Variants in CCDC192 observed in about 807,000 individuals in gnomAD.
CCDC192 encodes coiled-coil domain containing 192.
At chr5:127,932,715 A>T (rs1754073226) in intron 6 of CCDC192, among the ~76,000 whole-genome samples, 1 of 152,190 alleles carries the variant, frequency 6.6e-6, no homozygotes, top group Non-Finnish European at 1.5e-5. Flanking sequence ...CAATCCATGC[A>T]CTATTTTGGG....
intron 2 of CCDC192, among the ~76,000 whole-genome samples, chr5:127,732,689 C>CA (rs1752710681): frequency 6.6e-6 from 1 of 151,690 alleles, no homozygotes; most frequent in African/African-American, 2.4e-5. Flanking sequence ...TCTTGTCCTT[C>CA]AGGAACATGG....
chr5:127,878,116 T>G (rs1218819770), intron 6 of CCDC192, among the ~76,000 whole-genome samples: 2 of 152,206 alleles, frequency 1.3e-5, no homozygotes, highest in African/African-American at 4.8e-5. Context: ...GAGACTTGAT[T>G]CTCTCAGGCT....
At chr5:127,784,429 A>T (rs1372090781) in intron 3 of CCDC192, among the ~76,000 whole-genome samples, 1 of 152,232 alleles carries the variant, frequency 6.6e-6, no homozygotes, top group Non-Finnish European at 1.5e-5. Flanking sequence ...ATTTACAGAC[A>T]TGAAATGTAT....
chr5:127,797,764 TATA>T (rs1561494190), intron 4 of CCDC192, among the ~76,000 whole-genome samples: 32 of 19,598 alleles, frequency 1.6e-3, no homozygotes, highest in African/African-American at 2.6e-3. Flanking sequence ...TATATATATA[TATA>T]TATATATATA....
intron 3 of CCDC192, among the ~76,000 whole-genome samples, chr5:127,777,403 C>A (rs1442783433): frequency 6.6e-6 from 1 of 152,164 alleles, no homozygotes; most frequent in African/African-American, 2.4e-5. Flanking sequence ...CCCCTTGTAT[C>A]TAGGAAGTAA....
chr5:127,760,599 AC>A (rs1754858575), intron 3 of CCDC192, among the ~76,000 whole-genome samples: 1 of 147,976 alleles, frequency 6.8e-6, no homozygotes, highest in South Asian at 2.2e-4. Flanking sequence ...ACACGGTGCA[AC>A]CCCATCTCTA....
At chr5:127,863,657 G>A (rs1294434480) in intron 5 of CCDC192, among the ~76,000 whole-genome samples, 3 of 152,174 alleles carry the variant, frequency 2.0e-5, no homozygotes, top group African/African-American at 7.2e-5. Flanking sequence ...TAATACTACC[G>A]AACTGTACAC....
Position 127,868,681 on chromosome 5 carries a change from C to T in CCDC192, c.412-6857C>T, listed in dbSNP as rs529766170. On this transcript the variant is annotated intron_variant, in intron 5 of 6. Transcript: ENST00000514853. Reference sequence around the variant, plus strand: ...GGCAGATCACTTGAGGTCAGAAGTTCGAAACCAGTCTGGTCAACATGACGA... The same window carrying T: ...GGCAGATCACTTGAGGTCAGAAGTTTGAAACCAGTCTGGTCAACATGACGA... Among the ~76,000 whole-genome samples, 8 of 152,078 alleles carry T rather than the reference C, an allele frequency of 5.3e-5. No individual in the cohort carries two copies. In the South Asian group the frequency reaches 6.2e-4, roughly 12 times the overall value.
intron 2 of CCDC192, among the ~76,000 whole-genome samples, chr5:127,713,368 G>C (rs747313185): frequency 2.6e-5 from 4 of 152,022 alleles, no homozygotes; most frequent in Admixed American, 6.5e-5. Flanking sequence ...ATCTTATTTA[G>C]TGAAGTATTT....
chr5:127,927,384 A>T (rs1753890592), intron 6 of CCDC192, among the ~76,000 whole-genome samples: 1 of 152,186 alleles, frequency 6.6e-6, no homozygotes, highest in Non-Finnish European at 1.5e-5. Context: ...CATAGTATAT[A>T]TGAGGTTTGG....
intron 2 of CCDC192, among the ~76,000 whole-genome samples, chr5:127,739,298 C>T (rs1753247970): frequency 6.6e-6 from 1 of 152,180 alleles, no homozygotes; most frequent in South Asian, 2.1e-4. Flanking sequence ...CTCAGATCTC[C>T]AGCTGGGTGC....
At chr5:127,741,040 AT>A (rs550387148) in intron 2 of CCDC192, among the ~76,000 whole-genome samples, 18 of 151,718 alleles carry the variant, frequency 1.2e-4, no homozygotes, top group East Asian at 1.9e-4. Context: ...AAACAAATAG[AT>A]TTTTTTTTAT....
intron 3 of CCDC192, among the ~76,000 whole-genome samples, chr5:127,769,708 G>C (rs1358813335): frequency 6.6e-6 from 1 of 152,140 alleles, no homozygotes; most frequent in African/African-American, 2.4e-5. Flanking sequence ...GTGCTCAAAT[G>C]TGTAATATTT....
Position 127,741,773 on chromosome 5 carries a change from A to G in CCDC192, c.115-12495A>G, listed in dbSNP as rs370341043. Among the ~76,000 whole-genome samples the G allele has an allele frequency of 1.5e-4, 23 of 152,284 alleles. No individual in the cohort carries two copies. The East Asian group carries it at 2.1e-3, about 14-fold the overall frequency. On this transcript the variant is annotated intron_variant, in intron 2 of 6. Coordinates refer to ENST00000514853, the MANE Select transcript of CCDC192 (RefSeq NM_001317938.2). ...TTTGCAAGGTCCTTTTTCTCCTCTG[A>G]TGCTGTTTATACAAGGTCTCTAAGA...
intron 2 of CCDC192, among the ~76,000 whole-genome samples, chr5:127,715,268 A>G (rs1288667663): frequency 6.6e-6 from 1 of 152,208 alleles, no homozygotes; most frequent in East Asian, 1.9e-4. Flanking sequence ...TTTACATTTA[A>G]GTCTTTAATC....
intron 1 of CCDC192, among the ~76,000 whole-genome samples, chr5:127,704,757 C>A (rs1750863989): frequency 6.6e-6 from 1 of 151,868 alleles, no homozygotes; most frequent in Non-Finnish European, 1.5e-5. Flanking sequence ...AACAAAGCAG[C>A]TAAAGAGATA....
chr5:127,751,610 G>C (rs927917956), intron 2 of CCDC192, among the ~76,000 whole-genome samples: 1 of 151,998 alleles, frequency 6.6e-6, no homozygotes, highest in Non-Finnish European at 1.5e-5. Context: ...TGCTCTTCTC[G>C]AGGAGTATCT....
rs148861455 is a variant in CCDC192 at position 127,901,426 on chromosome 5, C to T, written c.535+25765C>T. Among the ~76,000 whole-genome samples the T allele has an allele frequency of 9.1e-3, 1,390 of 152,066 alleles. 9 individuals carry two copies. Among genetic ancestry groups the T allele is most frequent in the Non-Finnish European group, 0.012 (817 of 68,008 alleles). ...TTTGTATATATAAGGGGGAGGAGCA[C>T]CTTGTAAAAACTATATTCACATCCC... is the stretch of plus-strand genomic sequence containing the variant. On this transcript the variant is annotated intron_variant, in intron 6 of 6. Transcript: ENST00000514853.
intron 5 of CCDC192, among the ~76,000 whole-genome samples, chr5:127,828,945 A>C (rs1225440846): frequency 6.6e-6 from 1 of 152,172 alleles, no homozygotes. Context: ...CAATGTGGAG[A>C]GAGGATTGGA....
Sources: allele counts gnomAD v4.1 joint callset (sites outside exome capture counted in the v4.1 genomes callset), GRCh38; gene constraint gnomAD v4.1.1; transcripts MANE v1.5; gene names NCBI Gene and HGNC (gene_info 2026-07-23, HGNC 2026-07-21).